The following GRIN2B variants were observed in gnomAD, a reference collection of about 807,000 sequenced individuals.
GRIN2B encodes the protein glutamate receptor ionotropic, NMDA 2B.
In GRIN2B, 5 loss-of-function variants were observed where a neutral mutation model predicts 114.5. The ratio of observed to expected loss-of-function variants is 0.04; its 90% confidence interval spans 0.02 to 0.09. GRIN2B has a LOEUF of 0.09. GRIN2B is among the 10% of genes least tolerant of loss of function. The pLI is 1.00. For synonymous variants in GRIN2B, 787 were observed against 745.1 expected, an observed-to-expected ratio of 1.06 and a Z score of -0.92; for missense variants, 1,108 against 1,943.5, an observed-to-expected ratio of 0.57 and a Z score of 8.08.
At chr12:13,904,325 C>G (rs1034679328) in intron 2 of GRIN2B, among the ~76,000 whole-genome samples, 1 of 151,830 alleles carries the variant, frequency 6.6e-6, no homozygotes, top group African/African-American at 2.4e-5. Flanking sequence ...TAGTGATTGT[C>G]CTAGAAATTA....
chr12:13,560,937 C>G lies in GRIN2B; in HGVS notation c.*1846G>C, dbSNP rs578158665. On this transcript the variant is annotated 3_prime_UTR_variant, in exon 14 of 14. Transcript: ENST00000609686. Reference sequence around the variant, plus strand: ...GCTTCCTTCCAGAGGAGGATGAGCACCTTTCTGGTTTATGTGTCCTGTGTG... The same window carrying G: ...GCTTCCTTCCAGAGGAGGATGAGCAGCTTTCTGGTTTATGTGTCCTGTGTG... The G allele has an allele frequency of 6.6e-6, 1 of 152,154 alleles. No homozygotes were observed. The highest frequency in any genetic ancestry group is 1.5e-5 in the Non-Finnish European group (1 of 68,116). The allele number at this position is 152,154 out of a possible 1,614,324, so 9.4% of individuals were successfully genotyped here.
At chr12:13,614,016 CAAAAAAAA>C (rs77527098) in intron 8 of GRIN2B, among the ~76,000 whole-genome samples, 11,588 of 93,084 alleles carry the variant, frequency 0.12, 501 homozygotes, top group Non-Finnish European at 0.14. Context: ...CCTTGCACAG[CAAAAAAAA>C]AAAAAAAAAA....
At chr12:13,684,770 G>A (rs1591675117) in intron 4 of GRIN2B, among the ~76,000 whole-genome samples, 1 of 152,170 alleles carries the variant, frequency 6.6e-6, no homozygotes, top group African/African-American at 2.4e-5. Flanking sequence ...GAGTAGGTAG[G>A]CTATCAAAAC....
rs377585522 is a variant in GRIN2B at position 13,563,930 on chromosome 12, T to C, written c.3308A>G (p.Asp1103Gly). The C allele has an allele frequency of 1.5e-5, 24 of 1,614,192 alleles. No individual in the cohort carries two copies. Among genetic ancestry groups the C allele is most frequent in the Non-Finnish European group, 2.0e-5 (24 of 1,180,032 alleles). ...PASAKSRREFDEIELAYRRRP... is the reference protein window; with the variant it reads ...PASAKSRREFGEIELAYRRRP... ...GCGACGGTAGGCCAGCTCGATCTCG[T>C]CAAACTCCCTGCGGGACTTGGCCGA... The change falls in exon 14 of 14, where the codon GAC (aspartate) becomes GGC (glycine). Residue 1103 changes from aspartate (D) to glycine (G), a missense_variant. Physicochemically the swap from Asp to Gly is moderately conservative, Grantham distance 94. This residue lies in a region of GRIN2B where 18 missense variants were observed against 23.6 expected (regional missense o/e 0.76). Coordinates refer to ENST00000609686, the MANE Select transcript of GRIN2B (RefSeq NM_000834.5).
chr12:13,602,452 G>T (rs1028222827), intron 10 of GRIN2B, among the ~76,000 whole-genome samples: 1 of 152,212 alleles, frequency 6.6e-6, no homozygotes, highest in African/African-American at 2.4e-5. Flanking sequence ...CGGGCTGGAG[G>T]TTGGCTGTCT....
intron 3 of GRIN2B, among the ~76,000 whole-genome samples, chr12:13,831,135 C>A (rs1472608673): frequency 6.6e-6 from 1 of 152,182 alleles, no homozygotes; most frequent in Non-Finnish European, 1.5e-5. Flanking sequence ...CTGGACACAC[C>A]AGCTCCCCTT....
At chr12:13,710,670 A>G (rs888165273) in intron 4 of GRIN2B, among the ~76,000 whole-genome samples, 27 of 152,244 alleles carry the variant, frequency 1.8e-4, no homozygotes, top group African/African-American at 6.5e-4. Context: ...TCCAACTTAC[A>G]AGGGACGTGA....
intron 4 of GRIN2B, among the ~76,000 whole-genome samples, chr12:13,742,799 A>G (rs559279209): frequency 6.6e-6 from 1 of 152,174 alleles, no homozygotes; most frequent in South Asian, 2.1e-4. Flanking sequence ...ATATTTCCCA[A>G]TTTTGCTTGT....
At chr12:13,914,697 A>G (rs1866682309) in intron 2 of GRIN2B, among the ~76,000 whole-genome samples, 1 of 152,208 alleles carries the variant, frequency 6.6e-6, no homozygotes, top group Non-Finnish European at 1.5e-5. Flanking sequence ...ATGAACAGAT[A>G]AAGGAAATGT....
intron 4 of GRIN2B, among the ~76,000 whole-genome samples, chr12:13,743,099 T>G (rs1183244975): frequency 6.6e-6 from 1 of 152,190 alleles, no homozygotes; most frequent in African/African-American, 2.4e-5. Context: ...TAAACTGGGT[T>G]ACTGGGACTC....
intron 3 of GRIN2B, among the ~76,000 whole-genome samples, chr12:13,768,849 A>T (rs1191612180): frequency 6.6e-6 from 1 of 152,088 alleles, no homozygotes; most frequent in East Asian, 1.9e-4. Flanking sequence ...CTTGGCTAAC[A>T]CGGTGAAACA....
In GRIN2B at chr12:13,550,216, T is replaced by C. The variant is rs979645410; in HGVS notation, c.*12567A>G. On this transcript the variant is annotated 3_prime_UTR_variant, in exon 14 of 14. Transcript: ENST00000609686. ...TCTTCTGTATTCACATACCAACTAC[T>C]GTGATTTACTCAGAATGTACCATAG... 6.6e-6 allele frequency: 1 copy of C among 152,220 alleles called. No individual in the cohort carries two copies. Among genetic ancestry groups the C allele is most frequent in the Admixed American group, 6.5e-5 (1 of 15,286 alleles). 9.4% of individuals were successfully genotyped at this position (152,220 alleles called of 1,614,324 possible).
At chr12:13,847,634 G>A (rs1861787) in intron 3 of GRIN2B, among the ~76,000 whole-genome samples, 4 of 152,052 alleles carry the variant, frequency 2.6e-5, no homozygotes, top group Non-Finnish European at 5.9e-5. Flanking sequence ...GACAAGGTGG[G>A]AGAAGGGCAG....
At chr12:13,692,391 C>T (rs900904591) in intron 4 of GRIN2B, among the ~76,000 whole-genome samples, 2 of 152,022 alleles carry the variant, frequency 1.3e-5, no homozygotes, top group Non-Finnish European at 2.9e-5. Flanking sequence ...ACAGCAGGTC[C>T]TCAAATGACA....
intron 3 of GRIN2B, among the ~76,000 whole-genome samples, chr12:13,816,964 AT>A (rs1314686521): frequency 2.0e-5 from 3 of 152,160 alleles, no homozygotes; most frequent in Admixed American, 6.5e-5. Flanking sequence ...AATCCCATGC[AT>A]TGGGTTCTTT....
chr12:13,774,582 T>C (rs1591723256), intron 3 of GRIN2B, among the ~76,000 whole-genome samples: 1 of 152,196 alleles, frequency 6.6e-6, no homozygotes, highest in Admixed American at 6.5e-5. Context: ...CAAAATCAAG[T>C]GTACAAAGCA....
At chr12:13,669,715 T>G (rs1950006130) in intron 5 of GRIN2B, among the ~76,000 whole-genome samples, 1 of 152,166 alleles carries the variant, frequency 6.6e-6, no homozygotes, top group South Asian at 2.1e-4. Context: ...CACACAGATG[T>G]GCCAGTTTCT....
intron 10 of GRIN2B, among the ~76,000 whole-genome samples, chr12:13,600,498 C>T (rs540219982): frequency 1.3e-5 from 2 of 150,512 alleles, no homozygotes; most frequent in Admixed American, 1.3e-4. Flanking sequence ...TGTGTGTGTG[C>T]ATGTGTGTGT....
intron 3 of GRIN2B, among the ~76,000 whole-genome samples, chr12:13,795,545 C>T (rs1185421869): frequency 1.3e-5 from 2 of 152,086 alleles, no homozygotes; most frequent in Admixed American, 6.5e-5. Context: ...CTAGCTAATG[C>T]ATAGAAATAC....
Sources: gnomAD v4.1 joint callset for allele counts (sites outside exome capture counted in the v4.1 genomes callset) on GRCh38, gnomAD v4.1.1 for gene constraint, gnomAD v4.1.1 regional missense constraint, MANE v1.5 for transcripts, NCBI Gene and HGNC (gene_info 2026-07-23, HGNC 2026-07-21) for gene names.